The following ARHGAP24 variants were observed in gnomAD, a reference collection of about 807,000 sequenced individuals.
The protein encoded by ARHGAP24 is Rho GTPase activating protein 24, also known as rho GTPase-activating protein 24.
A neutral mutation model predicts 76.4 loss-of-function variants in ARHGAP24; 50 were observed. The observed-to-expected ratio is 0.65, with a 90% confidence interval of 0.52 to 0.83. The LOEUF is 0.83. Among genes scored for constraint, ARHGAP24 ranks in the 40% least tolerant of loss-of-function variants. The pLI, the probability that ARHGAP24 is intolerant of heterozygous loss-of-function variation, is 0.00. For synonymous variants in ARHGAP24, 345 were observed against 323.3 expected (o/e 1.07, Z -0.72); for missense variants, 930 against 914.2 (o/e 1.02, Z -0.22).
At chr4:85,874,325 T>G (rs1732702454) in intron 3 of ARHGAP24, among the ~76,000 whole-genome samples, 1 of 152,184 alleles carries the variant, frequency 6.6e-6, no homozygotes, top group Admixed American at 6.6e-5. Flanking sequence ...AAGAGAATCT[T>G]ATTCCAGGTG....
intron 2 of ARHGAP24, among the ~76,000 whole-genome samples, chr4:85,679,175 A>T (rs1276860289): frequency 6.6e-6 from 1 of 152,152 alleles, no homozygotes; most frequent in Non-Finnish European, 1.5e-5. Context: ...TGTGGTGTAG[A>T]TGAAAGCTTG....
chr4:85,966,531 G>A (rs1007885525), intron 5 of ARHGAP24, among the ~76,000 whole-genome samples: 1 of 152,224 alleles, frequency 6.6e-6, no homozygotes, highest in Middle Eastern at 3.4e-3. Context: ...CATCTGTTTT[G>A]ACAGATACAT....
rs139425828 is a variant in ARHGAP24, at chr4:85,686,003, A to G, written c.181-35882A>G. ...ACTCACAGGTCTGGCACTTTGGTGC[A>G]GGCAGCTGTGCTTGGTCTCAGTTGC... is the stretch of plus-strand genomic sequence containing the variant. On this transcript the variant is annotated intron_variant, in intron 2 of 9. Coordinates refer to ENST00000395184, the MANE Select transcript of ARHGAP24 (RefSeq NM_001025616.3). Among the ~76,000 whole-genome samples the G allele has an allele frequency of 7.2e-5, 11 of 152,346 alleles. No individual in the cohort carries two copies. The East Asian group carries it at 1.9e-3, about 27-fold the overall frequency.
chr4:85,540,060 A>G (rs1369556525), intron 1 of ARHGAP24, among the ~76,000 whole-genome samples: 1 of 151,870 alleles, frequency 6.6e-6, no homozygotes, highest in African/African-American at 2.4e-5. Flanking sequence ...AAATAAATAC[A>G]TAATAAAATA....
At chr4:85,524,859 A>T (rs1162940591) in intron 1 of ARHGAP24, among the ~76,000 whole-genome samples, 3 of 152,158 alleles carry the variant, frequency 2.0e-5, no homozygotes, top group Non-Finnish European at 4.4e-5. Context: ...TATAGACCTA[A>T]TATCTTACAA....
At chr4:85,964,046 A>G (rs927604618) in intron 5 of ARHGAP24, among the ~76,000 whole-genome samples, 2 of 152,138 alleles carry the variant, frequency 1.3e-5, no homozygotes, top group African/African-American at 4.8e-5. Context: ...GGTGAGTAAT[A>G]TAAACTTGAA....
intron 1 of ARHGAP24, among the ~76,000 whole-genome samples, chr4:85,530,486 C>T (rs1725214169): frequency 6.6e-6 from 1 of 152,012 alleles, no homozygotes; most frequent in Non-Finnish European, 1.5e-5. Context: ...GTGCTCTCTA[C>T]TGTATGTTTT....
At chr4:85,907,477 A>G (rs2148796112) in intron 3 of ARHGAP24, among the ~76,000 whole-genome samples, 1 of 152,332 alleles carries the variant, frequency 6.6e-6, no homozygotes, top group Middle Eastern at 3.4e-3. Flanking sequence ...AATGACATCA[A>G]CATGACACAT....
Position 85,782,649 on chromosome 4 carries a change from T to C in ARHGAP24, c.268+60677T>C, listed in dbSNP as rs578023887. Among the ~76,000 whole-genome samples, 15 of 152,292 alleles carry C rather than the reference T, an allele frequency of 9.8e-5. No homozygotes were observed. In the South Asian group the frequency reaches 2.9e-3, roughly 29 times the overall value. ...AGAGAAGATATTGAGATTTCTGAAG[T>C]TGTTGAACAGAGAAAGAGATAAATG... On this transcript the variant is annotated intron_variant, in intron 3 of 9. Transcript: ENST00000395184.
chr4:85,995,831 T>C (rs1358117567), intron 9 of ARHGAP24, among the ~76,000 whole-genome samples, 174 bp downstream of exon 9: 2 of 152,140 alleles, frequency 1.3e-5, no homozygotes, highest in Non-Finnish European at 2.9e-5. Flanking sequence ...TCTGTGAGCT[T>C]TGATTCCCTA....
intron 4 of ARHGAP24, among the ~76,000 whole-genome samples, chr4:85,932,671 G>C (rs1242886670): frequency 6.6e-6 from 1 of 152,144 alleles, no homozygotes; most frequent in African/African-American, 2.4e-5. Flanking sequence ...TCTCTTCAAA[G>C]CCTTAGTAGT....
intron 3 of ARHGAP24, among the ~76,000 whole-genome samples, chr4:85,831,721 G>A (rs913898489): frequency 9.2e-5 from 14 of 152,076 alleles, no homozygotes; most frequent in African/African-American, 2.7e-4. Context: ...AGACAACATA[G>A]CAAAACTCAG....
At chr4:85,887,630 G>A (rs967330427) in intron 3 of ARHGAP24, among the ~76,000 whole-genome samples, 1 of 152,028 alleles carries the variant, frequency 6.6e-6, no homozygotes, top group Non-Finnish European at 1.5e-5. Context: ...AGAAAAAGAC[G>A]CTAAATTACT....
chr4:85,983,409 C>T (rs1023178690), intron 8 of ARHGAP24, among the ~76,000 whole-genome samples: 2 of 152,106 alleles, frequency 1.3e-5, no homozygotes, highest in Non-Finnish European at 2.9e-5. Context: ...AAAAGTGTTC[C>T]TATTTCTCTG....
At chr4:85,590,192 G>GCCTGCCTGCCTTCCTTCCTTCCTTCCTT (rs1560543834) in intron 2 of ARHGAP24, among the ~76,000 whole-genome samples, 8 of 111,304 alleles carry the variant, frequency 7.2e-5, no homozygotes, top group African/African-American at 2.7e-4. Context: ...CTGCCTGCCT[G>GCCTGCCTGCCTTCCTTCCTTCCTTCCTT]CCTTCCTTCC....
At chr4:85,968,753 A>C (rs1356561929) in intron 5 of ARHGAP24, among the ~76,000 whole-genome samples, 2 of 152,148 alleles carry the variant, frequency 1.3e-5, no homozygotes, top group East Asian at 1.9e-4. Flanking sequence ...CAAAGCAAAA[A>C]TGAAAACTCT....
chr4:85,582,409 GT>G (rs962179401), intron 2 of ARHGAP24, among the ~76,000 whole-genome samples: 13 of 151,964 alleles, frequency 8.6e-5, no homozygotes, highest in African/African-American at 3.1e-4. Context: ...TGTTATCTCC[GT>G]TTTTGACTCT....
At chr4:85,688,033 G>A (rs972692124) in intron 2 of ARHGAP24, among the ~76,000 whole-genome samples, 3 of 152,050 alleles carry the variant, frequency 2.0e-5, no homozygotes, top group Admixed American at 6.5e-5. Context: ...GGCTGATCTC[G>A]AACTCCTGAC....
intron 2 of ARHGAP24, among the ~76,000 whole-genome samples, chr4:85,669,343 C>T (rs1722742443): frequency 6.6e-6 from 1 of 152,020 alleles, no homozygotes; most frequent in Admixed American, 6.6e-5. Context: ...ACTTTCAACA[C>T]ACTGTGGCAG....
Sources: gnomAD v4.1 joint callset for allele counts (sites outside exome capture counted in the v4.1 genomes callset) on GRCh38, gnomAD v4.1.1 for gene constraint, MANE v1.5 for transcripts, NCBI Gene and HGNC (gene_info 2026-07-23, HGNC 2026-07-21) for gene names.